Variants in SAXO1 observed in about 807,000 individuals in gnomAD.
SAXO1 encodes stabilizer of axonemal microtubules 1.
In SAXO1, 21 loss-of-function variants were observed where a neutral mutation model predicts 17.5. The ratio of observed to expected loss-of-function variants is 1.20; its 90% CI spans 0.85 to 1.72. The LOEUF (loss-of-function observed/expected upper bound fraction) is 1.72, where lower values mean the gene tolerates loss of function less well. SAXO1 is among the 40% of genes most tolerant of loss of function. The pLI, the probability that SAXO1 is intolerant of heterozygous loss-of-function variation, is 0.00. For synonymous variants in SAXO1, 274 were observed against 216.5 expected, an observed-to-expected ratio of 1.27 and a Z score of -2.33; for missense variants, 843 against 596.0, an observed-to-expected ratio of 1.41 and a Z score of -4.32.
intron 1 of SAXO1, among the ~76,000 whole-genome samples, chr9:18,981,478 G>A (rs1164376752): frequency 6.6e-6 from 1 of 152,156 alleles, no homozygotes; most frequent in African/African-American, 2.4e-5. Flanking sequence ...CAGATCCTCT[G>A]GGTAAGAGGC....
rs114033821 is a variant in SAXO1 at position 18,977,431 on chromosome 9, G to A, written c.39-26494C>T. Among the ~76,000 whole-genome samples, 598 of 152,160 alleles carry A rather than the reference G, an allele frequency of 3.9e-3. 7 individuals are homozygous for A. Among genetic ancestry groups the A allele is most frequent in the African/African-American group, 0.014 (563 of 41,508 alleles). On this transcript the variant is annotated intron_variant, in intron 1 of 3. Coordinates refer to ENST00000380534, the MANE Select transcript of SAXO1 (RefSeq NM_153707.4). ...CATTACAACCTCATCAGATGCTGCC[G>A]CTATTATTCTCATCTACATAGGAGG...
chr9:19,006,874 G>A (rs962197418), intron 1 of SAXO1, among the ~76,000 whole-genome samples: 5 of 151,470 alleles, frequency 3.3e-5, no homozygotes, highest in South Asian at 2.1e-4. Context: ...GTGAAACCCC[G>A]TCTCTACTAA....
intron 1 of SAXO1, among the ~76,000 whole-genome samples, chr9:18,961,843 G>A (rs1040468330): frequency 6.6e-6 from 1 of 152,092 alleles, no homozygotes; most frequent in Non-Finnish European, 1.5e-5. Flanking sequence ...CTATCCTTTG[G>A]TTATATACCC....
intron 1 of SAXO1, among the ~76,000 whole-genome samples, chr9:18,978,091 C>G (rs540127479): frequency 6.6e-6 from 1 of 151,896 alleles, no homozygotes; most frequent in South Asian, 2.1e-4. Flanking sequence ...GTCACCATTC[C>G]CCTCATTGCC....
rs1317326543 is a variant in SAXO1 at position 18,935,076 on chromosome 9, C to T, written c.422-6021G>A. ...CTGAGTGGCTGGGATTACAGGCGTCCACCACCACACCCAGATAATTTATTG... is the reference window on the plus strand; with the variant it reads ...CTGAGTGGCTGGGATTACAGGCGTCTACCACCACACCCAGATAATTTATTG... On this transcript the variant is annotated intron_variant, in intron 3 of 3. Coordinates refer to ENST00000380534, the MANE Select transcript of SAXO1 (RefSeq NM_153707.4). 2.0e-5 allele frequency among the ~76,000 whole-genome samples: 3 copies of T among 152,006 alleles called. No homozygotes were observed. In the East Asian group the frequency reaches 5.8e-4, roughly 29 times the overall value.
chr9:18,955,626 A>C (rs1043444924), intron 1 of SAXO1, among the ~76,000 whole-genome samples: 2 of 152,240 alleles, frequency 1.3e-5, no homozygotes, highest in Admixed American at 1.3e-4. Flanking sequence ...TGGCATAATC[A>C]GAGGCACTAA....
chr9:18,999,879 T>TCA, intron 1 of SAXO1, among the ~76,000 whole-genome samples: 1 of 138,556 alleles, frequency 7.2e-6, no homozygotes, highest in Non-Finnish European at 1.5e-5. Flanking sequence ...GAGGAGTGCC[T>TCA]CTACCCAGCC....
intron 1 of SAXO1, among the ~76,000 whole-genome samples, chr9:19,001,663 CAAA>C (rs78327852): frequency 3.8e-5 from 5 of 130,696 alleles, no homozygotes; most frequent in Admixed American, 2.3e-4. Flanking sequence ...AAGACTCCGT[CAAA>C]AAAAAAAAAA....
chr9:18,930,079 T>C (rs537132214), intron 3 of SAXO1, among the ~76,000 whole-genome samples: 1 of 152,332 alleles, frequency 6.6e-6, no homozygotes, highest in East Asian at 1.9e-4. Context: ...TTAAACCGTA[T>C]TGTTGTCTCC....
At chr9:18,990,155 C>G (rs943721203) in intron 1 of SAXO1, among the ~76,000 whole-genome samples, 6 of 139,240 alleles carry the variant, frequency 4.3e-5, no homozygotes, top group African/African-American at 1.5e-4. Flanking sequence ...GCACACCAAG[C>G]AGGAGTCATG....
At chr9:18,962,612 T>G (rs552991653) in intron 1 of SAXO1, among the ~76,000 whole-genome samples, 23 of 152,130 alleles carry the variant, frequency 1.5e-4, no homozygotes, top group Admixed American at 3.3e-4. Context: ...TTCTTTTGTG[T>G]GCAGAAGCGT....
intron 1 of SAXO1, among the ~76,000 whole-genome samples, chr9:18,998,203 G>C (rs1834092951): frequency 6.6e-6 from 1 of 152,072 alleles, no homozygotes; most frequent in African/African-American, 2.4e-5. Context: ...TCACAAGGAA[G>C]CTAAAAACCT....
intron 1 of SAXO1, among the ~76,000 whole-genome samples, chr9:19,002,869 G>C (rs1834333474): frequency 6.6e-6 from 1 of 152,110 alleles, no homozygotes; most frequent in Non-Finnish European, 1.5e-5. Context: ...CTCCTATTCA[G>C]CATAGTATTG....
intron 1 of SAXO1, among the ~76,000 whole-genome samples, chr9:18,957,368 T>A (rs1369360687): frequency 6.6e-6 from 1 of 152,168 alleles, no homozygotes; most frequent in African/African-American, 2.4e-5. Flanking sequence ...ACCACTTCAG[T>A]ATACAGATGT....
intron 1 of SAXO1, among the ~76,000 whole-genome samples, chr9:18,989,540 C>A (rs762197252): frequency 2.1e-5 from 3 of 142,070 alleles, no homozygotes; most frequent in Non-Finnish European, 4.7e-5. Context: ...AGGAAATTTA[C>A]TTTTTTAGCC....
At position 19,019,683 on chromosome 9, in the gene SAXO1, C is replaced by T. The variant is rs143622960; in HGVS notation, c.38+13188G>A. ...AGGCAGAGGTTGCAATGAGCCCAGACGGCACCACTGCACCCCAGCCTCGGC... is the reference window on the plus strand; with the variant it reads ...AGGCAGAGGTTGCAATGAGCCCAGATGGCACCACTGCACCCCAGCCTCGGC... On this transcript the variant is annotated intron_variant, in intron 1 of 3. Transcript: ENST00000380534. Among the ~76,000 whole-genome samples, 536 of 152,134 alleles carry T rather than the reference C, an allele frequency of 3.5e-3. 1 individual carries two copies. Among genetic ancestry groups the T allele is most frequent in the African/African-American group, 0.012 (510 of 41,502 alleles).
At chr9:18,969,864 A>G (rs908909105) in intron 1 of SAXO1, among the ~76,000 whole-genome samples, 1 of 152,252 alleles carries the variant, frequency 6.6e-6, no homozygotes, top group Non-Finnish European at 1.5e-5. Flanking sequence ...AAGCAAGGCC[A>G]ATGGGGTTAA....
At chr9:19,033,286 G>A (rs1260497350), upstream of SAXO1, 2 of 222,858 alleles carry the variant, frequency 9.0e-6, no homozygotes, top group African/African-American at 4.5e-5. Context: ...CACGCCTCAG[G>A]TGGCAATTAC....
intron 1 of SAXO1, among the ~76,000 whole-genome samples, chr9:18,959,046 C>T (rs889556298): frequency 3.9e-5 from 6 of 152,012 alleles, no homozygotes; most frequent in African/African-American, 1.4e-4. Context: ...GTCATGAGGG[C>T]TGGGAAAAAG....
Sources: allele counts gnomAD v4.1 joint callset (sites outside exome capture counted in the v4.1 genomes callset), GRCh38; gene constraint gnomAD v4.1.1; transcripts MANE v1.5; gene names NCBI Gene and HGNC (gene_info 2026-07-23, HGNC 2026-07-21).